Variants in SGIP1 observed in about 807,000 individuals in gnomAD.
The protein encoded by SGIP1 is SH3-containing GRB2-like protein 3-interacting protein 1.
A neutral mutation model predicts 107.5 loss-of-function variants in SGIP1; 38 were observed. That is an observed-to-expected ratio of 0.35 (90% CI 0.27 to 0.46). SGIP1 has a LOEUF of 0.46. Among genes scored for constraint, SGIP1 ranks in the 20% least tolerant of loss-of-function variants. The probability of loss-of-function intolerance (pLI) is 1.00; values close to 1 mark genes in which losing one functional copy is unlikely to be tolerated. For missense variants in SGIP1, 929 were observed against 1,019.5 expected (o/e 0.91, Z 1.21); for synonymous variants, 365 against 366.1 (o/e 1.00, Z 0.03).
chr1:66,590,357 T>C (rs2063426255), intron 1 of SGIP1: 1 of 152,244 alleles, frequency 6.6e-6, no homozygotes, highest in Non-Finnish European at 1.5e-5. Context: ...GTAAACTGTA[T>C]GAAATTGGAT....
At position 66,741,278 on chromosome 1, in the gene SGIP1, G is replaced by C. The variant is rs761305056; in HGVS notation, c.2306G>C (p.Gly769Ala). The change falls in exon 24 of 25, where the codon GGT becomes GCT. Residue 769 changes from glycine to alanine, a missense_variant. This residue lies in a region of SGIP1 where 341 missense variants were observed against 430.9 expected (regional missense o/e 0.79). Coordinates refer to ENST00000371037, the MANE Select transcript of SGIP1 (RefSeq NM_032291.4). ...ATAATGTGTTTTTTTTTAGGGGTGGGTTCTTTGTTGGCAAGATTTCAGTTA... is the reference window on the plus strand; with the variant it reads ...ATAATGTGTTTTTTTTTAGGGGTGGCTTCTTTGTTGGCAAGATTTCAGTTA... The part of the protein sequence containing the change: ...ISQKSENGGV[G>A]SLLARFQLSE... 1 of 1,582,102 alleles carries C rather than the reference G, an allele frequency of 6.3e-7. No individual in the cohort carries two copies. Among genetic ancestry groups the C allele is most frequent in the Non-Finnish European group, 8.6e-7 (1 of 1,165,754 alleles).
At chr1:66,717,190 A>G (rs982168689) in intron 18 of SGIP1, among the ~76,000 whole-genome samples, 3 of 152,166 alleles carry the variant, frequency 2.0e-5, no homozygotes, top group East Asian at 3.8e-4. Flanking sequence ...TTTCAATCAC[A>G]TAGTGGCAAT....
chr1:66,660,559 C>T (rs1344639411), intron 8 of SGIP1, 35 bp downstream of exon 8: 4 of 1,585,604 alleles, frequency 2.5e-6, no homozygotes, highest in East Asian at 4.5e-5. Flanking sequence ...TTGGGGCAAA[C>T]ATTATTTATT....
chr1:66,578,943 A>AT (rs1569882049), intron 1 of SGIP1, among the ~76,000 whole-genome samples: 2 of 152,096 alleles, frequency 1.3e-5, no homozygotes, highest in Admixed American at 1.3e-4. Context: ...AGTACATGGT[A>AT]TTTGTTTGTA....
chr1:66,609,989 G>A (rs570984626), intron 1 of SGIP1, among the ~76,000 whole-genome samples: 5 of 151,788 alleles, frequency 3.3e-5, no homozygotes, highest in Middle Eastern at 3.4e-3. Flanking sequence ...TTACAATCTC[G>A]TCAGTTCAAA....
intron 22 of SGIP1, 146 bp from the exon 23 acceptor site, chr1:66,740,510 GGA>G (rs1397869238): frequency 2.7e-4 from 173 of 644,596 alleles, no homozygotes; most frequent in South Asian, 4.1e-4. Flanking sequence ...GTCTGGGAGG[GGA>G]GAGAGAGAGA....
intron 17 of SGIP1, 166 bp from the exon 18 acceptor site, chr1:66,695,268 A>G: frequency 1.5e-6 from 2 of 1,331,780 alleles, no homozygotes; most frequent in Non-Finnish European, 9.8e-7. Flanking sequence ...AAAAAAAAAA[A>G]AAAGTGTAGA....
rs181418528 is a variant in SGIP1 at position 66,598,802 on chromosome 1, C to T, written c.11-27045C>T. The stretch of plus-strand genomic sequence containing the variant: ...GACCCCACGATCCAATCACCTCCCA[C>T]CAGGCTCCCTCTCCAACACTGGGGA... On this transcript the variant is annotated intron_variant, in intron 1 of 24. Transcript: ENST00000371037. Among the ~76,000 whole-genome samples the T allele has an allele frequency of 1.9e-3, 294 of 152,306 alleles. 1 individual carries two copies. The highest frequency in any genetic ancestry group is 6.8e-3 in the African/African-American group (282 of 41,554).
chr1:66,722,918 T>C (rs1425738579), intron 19 of SGIP1, among the ~76,000 whole-genome samples: 1 of 152,208 alleles, frequency 6.6e-6, no homozygotes, highest in African/African-American at 2.4e-5. Context: ...TATACCCTTC[T>C]AAATTAACTG....
Position 66,739,358 on chromosome 1 carries a change from C to G in SGIP1, c.2055C>G (p.Ser685=). ...KYQVSAQGIQ[S]TPLNLAVNWR... Reference sequence around the variant, plus strand: ...AGGTGTCTGCCCAGGGCATTCAGTCCACACCTCTGAACCTGGCAGTGAATT... The same window carrying G: ...AGGTGTCTGCCCAGGGCATTCAGTCGACACCTCTGAACCTGGCAGTGAATT... Residue 685 remains serine (S), a synonymous_variant, in exon 22 of 25, where the codon TCC becomes TCG. Coordinates refer to ENST00000371037, the MANE Select transcript of SGIP1 (RefSeq NM_032291.4). 6.2e-7 allele frequency: 1 copy of G among 1,614,026 alleles called. No homozygotes were observed. The highest frequency in any genetic ancestry group is 8.5e-7 in the Non-Finnish European group (1 of 1,179,976).
intron 18 of SGIP1, among the ~76,000 whole-genome samples, chr1:66,714,938 C>T (rs2093144943): frequency 6.6e-6 from 1 of 152,066 alleles, no homozygotes; most frequent in African/African-American, 2.4e-5. Context: ...AATAATGCTA[C>T]TAAACAAAAA....
At chr1:66,726,776 T>C (rs367657654) in intron 19 of SGIP1, among the ~76,000 whole-genome samples, 16 of 152,300 alleles carry the variant, frequency 1.1e-4, no homozygotes, top group East Asian at 7.7e-4. Flanking sequence ...TGAAGCTAAA[T>C]GTAAACTCAA....
intron 1 of SGIP1, among the ~76,000 whole-genome samples, chr1:66,614,545 T>G (rs1362163161): frequency 6.6e-6 from 1 of 152,192 alleles, no homozygotes; most frequent in African/African-American, 2.4e-5. Context: ...TTTAAAACTT[T>G]TTATTTCTAT....
At chr1:66,673,389 TTATAGATTTG>T in intron 12 of SGIP1, 23 bp downstream of exon 12, 1 of 1,563,000 alleles carries the variant, frequency 6.4e-7, no homozygotes, top group Non-Finnish European at 8.6e-7. Context: ...ACTCCATATA[TTATAGATTTG>T]TTTTTTCTTT....
In SGIP1 at chr1:66,660,382, T is replaced by C. The variant is rs955066201; in HGVS notation, c.460-131T>C. On this transcript the variant is annotated intron_variant, in intron 7 of 24. Transcript: ENST00000371037. The stretch of plus-strand genomic sequence containing the variant: ...CCATATCAGACCCCCACAGGAAGCA[T>C]TTATAAAAGCAGTGCCTTCGAGAGC... 41 of 806,522 alleles carry C rather than the reference T, an allele frequency of 5.1e-5. 2 individuals carry two copies. In the South Asian group the frequency reaches 5.9e-4, roughly 12 times the overall value. 50.0% of individuals were successfully genotyped at this position (806,522 alleles called of 1,614,324 possible).
chr1:66,558,366 C>T (rs1180501419), intron 1 of SGIP1, among the ~76,000 whole-genome samples: 3 of 151,844 alleles, frequency 2.0e-5, no homozygotes, highest in Non-Finnish European at 4.4e-5. Context: ...CATTTTGCAC[C>T]AAGCTCCACA....
intron 1 of SGIP1, among the ~76,000 whole-genome samples, chr1:66,551,579 C>G (rs1399722084): frequency 6.6e-6 from 1 of 152,128 alleles, no homozygotes; most frequent in Admixed American, 6.5e-5. Context: ...AGATGCTCAA[C>G]TCTCAATAAC....
At chr1:66,533,590 G>T (rs1042773486), upstream of SGIP1, 1 of 152,138 alleles carries the variant, frequency 6.6e-6, no homozygotes, top group African/African-American at 2.4e-5. Context: ...AAGGATGGGA[G>T]GGGAGAAAGA....
intron 18 of SGIP1, among the ~76,000 whole-genome samples, chr1:66,709,748 A>G (rs989917441): frequency 6.6e-6 from 1 of 152,214 alleles, no homozygotes; most frequent in Non-Finnish European, 1.5e-5. Flanking sequence ...TGTCAGCTGT[A>G]AAATGGGGAT....
Sources: allele counts gnomAD v4.1 joint callset (sites outside exome capture counted in the v4.1 genomes callset), GRCh38; gene constraint gnomAD v4.1.1; regional missense constraint gnomAD v4.1.1; transcripts MANE v1.5; gene names NCBI Gene and HGNC (gene_info 2026-07-23, HGNC 2026-07-21).